Variants in LRRFIP1 observed in about 807,000 individuals in gnomAD.
The protein encoded by LRRFIP1 is leucine-rich repeat flightless-interacting protein 1.
Under a neutral mutation model 104.4 loss-of-function variants are expected in LRRFIP1, and 62 were observed. The ratio of observed to expected loss-of-function variants is 0.59; its 90% CI spans 0.48 to 0.73. LRRFIP1 has a LOEUF of 0.73. LRRFIP1 is among the 30% of genes least tolerant of loss of function. The probability of loss-of-function intolerance (pLI) is 0.00; values close to 1 mark genes in which losing one functional copy is unlikely to be tolerated. For missense variants in LRRFIP1, 796 were observed against 824.5 expected (o/e 0.97, Z 0.42); for synonymous variants, 300 against 299.0 (o/e 1.00, Z -0.03).
chr2:237,700,496 CT>C lies in LRRFIP1; in HGVS notation c.97-8047del, dbSNP rs542565036. Reference sequence around the variant, plus strand: ...CATGGGGCCTAGAAAAATAATGCTGCTGCTTTTTCACTTCTCTGCTTGACGC... The same window carrying C: ...CATGGGGCCTAGAAAAATAATGCTGCGCTTTTTCACTTCTCTGCTTGACGC... On this transcript the variant is annotated intron_variant, in intron 1 of 23. Transcript: ENST00000308482. Among the ~76,000 whole-genome samples the C allele has an allele frequency of 2.3e-3, 356 of 152,318 alleles. 1 individual carries two copies. The highest frequency in any genetic ancestry group is 3.6e-3 in the Non-Finnish European group (245 of 68,036).
At position 237,639,718 on chromosome 2, in the gene LRRFIP1, T is replaced by C. The variant is rs190725674; in HGVS notation, c.96+11978T>C. 1.3e-3 allele frequency among the ~76,000 whole-genome samples: 200 copies of C among 152,336 alleles called. 2 individuals carry two copies. Among genetic ancestry groups the C allele is most frequent in the African/African-American group, 4.7e-3 (195 of 41,578 alleles). ...GATGACCACATGGTCTTCCAACTCT[T>C]CATTTCAACATCTGAAGTTTTTTCT... On this transcript the variant is annotated intron_variant, in intron 1 of 23. Coordinates refer to ENST00000308482, the MANE Select transcript of LRRFIP1 (RefSeq NM_001137550.2).
chr2:237,718,487 C>A (rs1198315721), intron 4 of LRRFIP1, among the ~76,000 whole-genome samples: 1 of 152,162 alleles, frequency 6.6e-6, no homozygotes, highest in Admixed American at 6.5e-5. Context: ...CAGGAAGCAG[C>A]GGCACCCACA....
At chr2:237,739,131 T>TA (rs1374194839) in intron 10 of LRRFIP1, 101 bp from the exon 11 acceptor site, 14 of 1,039,630 alleles carry the variant, frequency 1.3e-5, no homozygotes, top group Non-Finnish European at 1.9e-5. Context: ...CCTCACCACT[T>TA]ACTGCAGCAT....
chr2:237,753,890 A>G (rs1048984569), intron 15 of LRRFIP1, among the ~76,000 whole-genome samples: 1 of 151,652 alleles, frequency 6.6e-6, no homozygotes, highest in African/African-American at 2.4e-5. Context: ...TGTATATATA[A>G]TGTATAATTT....
chr2:237,725,829 A>G (rs2094724927), intron 7 of LRRFIP1, among the ~76,000 whole-genome samples: 2 of 152,204 alleles, frequency 1.3e-5, no homozygotes, highest in African/African-American at 4.8e-5. Flanking sequence ...CTGCAGGCTG[A>G]GCTGGAGAAC....
At chr2:237,628,436 T>A (rs201078981) in intron 1 of LRRFIP1, among the ~76,000 whole-genome samples, 6 of 45,054 alleles carry the variant, frequency 1.3e-4, no homozygotes, top group Non-Finnish European at 3.0e-4. Context: ...TACAAATGCC[T>A]TTTTTTTTTT....
chr2:237,741,496 G>T (rs1347910329), intron 11 of LRRFIP1, among the ~76,000 whole-genome samples: 2 of 152,152 alleles, frequency 1.3e-5, no homozygotes, highest in African/African-American at 2.4e-5. Context: ...TTTAGTGTAG[G>T]ATTGCTTTGT....
At position 237,735,597 on chromosome 2, in the gene LRRFIP1, C is replaced by A; in HGVS notation, c.555+264C>A. 2.4e-6 allele frequency: 1 copy of A among 417,338 alleles called. No homozygotes were observed. The highest frequency in any genetic ancestry group is 4.3e-5 in the South Asian group (1 of 23,248). The allele number at this position is 417,338 out of a possible 1,614,324, so 25.9% of individuals were successfully genotyped here. The stretch of plus-strand genomic sequence containing the variant: ...ATCTGCTCTCTCTGCAGCACGCCAA[C>A]CATACTAACAGGTGGTGAAACCGTC... On this transcript the variant is annotated intron_variant, in intron 10 of 23. Transcript: ENST00000308482. This position sits in a 1 kb window ranked among gnomAD's most constrained non-coding sequence, Gnocchi z 4.6.
At chr2:237,759,951 G>T in intron 18 of LRRFIP1, 113 bp from the exon 19 acceptor site, 1 of 886,598 alleles carries the variant, frequency 1.1e-6, no homozygotes. Context: ...TGTCTCTGTG[G>T]AGTTACCCTG....
At chr2:237,727,819 A>G (rs929856372) in intron 7 of LRRFIP1, 57 bp from the exon 8 acceptor site, 60 of 1,318,132 alleles carry the variant, frequency 4.6e-5, no homozygotes, top group Non-Finnish European at 6.5e-5. Flanking sequence ...GCTGATTTGT[A>G]CCTGTGAATT....
At chr2:237,643,990 A>G (rs1421430592) in intron 1 of LRRFIP1, among the ~76,000 whole-genome samples, 1 of 152,188 alleles carries the variant, frequency 6.6e-6, no homozygotes, top group Non-Finnish European at 1.5e-5. Flanking sequence ...TAAGATATAG[A>G]GGGGAAAATT....
At chr2:237,693,929 C>T (rs986974136) in intron 1 of LRRFIP1, among the ~76,000 whole-genome samples, 10 of 152,182 alleles carry the variant, frequency 6.6e-5, no homozygotes, top group Admixed American at 6.5e-5. Flanking sequence ...CTTCGAGATG[C>T]TGCCGGGAGG....
chr2:237,672,138 G>T (rs74431246), intron 1 of LRRFIP1, among the ~76,000 whole-genome samples: 11,498 of 151,366 alleles, frequency 0.076, 496 homozygotes, highest in East Asian at 0.15. Flanking sequence ...TGAAAAAAAT[G>T]TTTTTTTTCC....
rs747353431 is a variant in LRRFIP1, at chr2:237,774,473, T to C, written c.1812+11T>C. 2 of 1,570,672 alleles carry C rather than the reference T, an allele frequency of 1.3e-6. No homozygotes were observed. Among genetic ancestry groups the C allele is most frequent in the Non-Finnish European group, 1.8e-6 (2 of 1,142,422 alleles). The stretch of plus-strand genomic sequence containing the variant: ...AAACTCCAAAGAGAGGTAAATTTCC[T>C]AGGCAATTTCTAGGAAGAGAATGGC... On this transcript the variant is annotated intron_variant, in intron 23 of 23. Coordinates refer to ENST00000308482, the MANE Select transcript of LRRFIP1 (RefSeq NM_001137550.2).
intron 1 of LRRFIP1, among the ~76,000 whole-genome samples, chr2:237,681,453 G>A (rs2091810057): frequency 6.6e-6 from 1 of 151,714 alleles, no homozygotes; most frequent in African/African-American, 2.4e-5. Flanking sequence ...TGCAACCTCC[G>A]CCTCCTGGGT....
intron 8 of LRRFIP1, among the ~76,000 whole-genome samples, chr2:237,732,194 C>T (rs56282790): frequency 0.12 from 18,975 of 152,176 alleles, 1,471 homozygotes; most frequent in East Asian, 0.26. Flanking sequence ...TCTCTCCCTC[C>T]CCCGTGAGTG....
At position 237,655,102 on chromosome 2, in the gene LRRFIP1, C is replaced by CTTTTTTT. The variant is rs1170742860; in HGVS notation, c.96+27382_96+27388dup. Among the ~76,000 whole-genome samples the CTTTTTTT allele has an allele frequency of 8.6e-5, 5 of 58,272 alleles. 1 individual carries two copies. The highest frequency in any genetic ancestry group is 3.6e-4 in the Admixed American group (2 of 5,532). 38.2% of individuals were successfully genotyped at this position (58,272 alleles called of 152,430 possible). A position where few individuals can be genotyped will look rare whatever the true frequency, so the allele number is the denominator to read the frequency against. On this transcript the variant is annotated intron_variant, in intron 1 of 23. Coordinates refer to ENST00000308482, the MANE Select transcript of LRRFIP1 (RefSeq NM_001137550.2). ...AGACGAATACCACGTGATCTCACTTCTTTTTTTTTTTTTTTTTTTTTTTTT... is the reference window on the plus strand; with the variant it reads ...AGACGAATACCACGTGATCTCACTTCTTTTTTTTTTTTTTTTTTTTTTTTTTTTTTTT...
intron 19 of LRRFIP1, among the ~76,000 whole-genome samples, chr2:237,767,755 C>T (rs1328320306): frequency 6.6e-6 from 1 of 152,164 alleles, no homozygotes; most frequent in Non-Finnish European, 1.5e-5. Context: ...TTCATAGACT[C>T]CCTTTCTGGG....
At chr2:237,771,567 CCCA>C (rs1559863454) in intron 20 of LRRFIP1, among the ~76,000 whole-genome samples, 40 of 88,312 alleles carry the variant, frequency 4.5e-4, no homozygotes, top group South Asian at 2.0e-3. Flanking sequence ...CCCCCCCCCG[CCCA>C]GATACCAAGG....
Sources: allele counts gnomAD v4.1 joint callset (sites outside exome capture counted in the v4.1 genomes callset), GRCh38; gene constraint gnomAD v4.1.1; non-coding constraint Gnocchi (gnomAD v3.1); transcripts MANE v1.5; gene names NCBI Gene and HGNC (gene_info 2026-07-23, HGNC 2026-07-21).